RRM1: variants seen among roughly 807,000 people sequenced by gnomAD.
RRM1 encodes ribonucleotide reductase catalytic subunit M1.
Under a neutral mutation model 101.5 loss-of-function variants are expected in RRM1, and 19 were observed. The ratio of observed to expected loss-of-function variants is 0.19; its 90% CI spans 0.13 to 0.27. RRM1 has a LOEUF of 0.27. RRM1 is among the 10% of genes least tolerant of loss of function. The pLI is 1.00. For synonymous variants in RRM1, 298 were observed against 323.4 expected, an observed-to-expected ratio of 0.92 and a Z score of 0.84; for missense variants, 500 against 962.9, an observed-to-expected ratio of 0.52 and a Z score of 6.36.
At chr11:4,113,737 G>A (rs1352561507) in intron 7 of RRM1, among the ~76,000 whole-genome samples, 2 of 152,196 alleles carry the variant, frequency 1.3e-5, no homozygotes, top group Non-Finnish European at 2.9e-5. Context: ...TTACAAACCT[G>A]TGTAGCATGT....
chr11:4,095,060 G>GA, intron 1 of RRM1, 29 bp downstream of exon 1: 1 of 1,562,450 alleles, frequency 6.4e-7, no homozygotes, highest in Non-Finnish European at 8.7e-7. Flanking sequence ...GGGCGAGAAG[G>GA]AAGGTGAGGG....
intron 12 of RRM1, among the ~76,000 whole-genome samples, chr11:4,125,974 A>C (rs1009738440): frequency 6.6e-6 from 1 of 152,272 alleles, no homozygotes; most frequent in Non-Finnish European, 1.5e-5. Context: ...CATAATCAAA[A>C]TGGAAAAGAA....
At chr11:4,128,161 CTTTT>C (rs146980476) in intron 14 of RRM1, among the ~76,000 whole-genome samples, 2 of 133,040 alleles carry the variant, frequency 1.5e-5, no homozygotes, top group Admixed American at 7.5e-5. Flanking sequence ...CCCTGTCCCG[CTTTT>C]TTTTTTTTTT....
At chr11:4,126,492 A>G (rs925253897) in intron 12 of RRM1, among the ~76,000 whole-genome samples, 192 bp from the exon 13 acceptor site, 9 of 152,262 alleles carry the variant, frequency 5.9e-5, no homozygotes, top group Non-Finnish European at 4.4e-5. Flanking sequence ...TAACTAACAC[A>G]TATGACTAGG....
In RRM1 at chr11:4,107,488, C is replaced by G; in HGVS notation, c.340C>G (p.Pro114Ala). The change falls in exon 4 of 19, where the codon CCC (proline) becomes GCC (alanine). Residue 114 changes from proline (P) to alanine (A), a missense_variant. Pro to Ala is a conservative substitution (Grantham distance 27). This residue lies in a region of RRM1 where 41 missense variants were observed against 40.7 expected (regional missense o/e 1.01). Coordinates refer to ENST00000300738, the MANE Select transcript of RRM1 (RefSeq NM_001033.5). Reference sequence around the variant, plus strand: ...AAATCCACATAATGGCAAACACTCTCCCATGGTGGCCAAGTCAACATTGGA... The same window carrying G: ...AAATCCACATAATGGCAAACACTCTGCCATGGTGGCCAAGTCAACATTGGA... ...YINPHNGKHS[P>A]MVAKSTLDIV... 6.2e-7 allele frequency: 1 copy of G among 1,613,580 alleles called. No homozygotes were observed. Among genetic ancestry groups the G allele is most frequent in the Non-Finnish European group, 8.5e-7 (1 of 1,179,550 alleles).
At chr11:4,099,949 C>CA (rs948807445) in intron 1 of RRM1, among the ~76,000 whole-genome samples, 11 of 152,168 alleles carry the variant, frequency 7.2e-5, no homozygotes, top group Middle Eastern at 3.4e-3. Flanking sequence ...GCTTTCCCCC[C>CA]CCACTGCATG....
intron 2 of RRM1, among the ~76,000 whole-genome samples, chr11:4,102,384 G>A (rs1478362283): frequency 6.6e-6 from 1 of 152,148 alleles, no homozygotes; most frequent in African/African-American, 2.4e-5. Context: ...TAGGCCAGGC[G>A]CCGTGGCTCA....
chr11:4,106,429 T>A (rs2094558369), intron 3 of RRM1, among the ~76,000 whole-genome samples: 1 of 152,112 alleles, frequency 6.6e-6, no homozygotes, highest in African/African-American at 2.4e-5. Context: ...CGAAACCCCA[T>A]CTCTACGTTT....
intron 7 of RRM1, among the ~76,000 whole-genome samples, chr11:4,118,075 C>T (rs1194646100): frequency 6.6e-6 from 1 of 152,170 alleles, no homozygotes; most frequent in African/African-American, 2.4e-5. Context: ...ATCTATAAGA[C>T]TTCCTACTAG....
chr11:4,123,114 T>C, intron 11 of RRM1, 69 bp from the exon 12 acceptor site: 1 of 1,152,018 alleles, frequency 8.7e-7, no homozygotes, highest in Non-Finnish European at 1.2e-6. Context: ...TATTTTAATG[T>C]CTTCAAGTTG....
chr11:4,116,617 A>C (rs550900137), intron 7 of RRM1, among the ~76,000 whole-genome samples: 1 of 152,192 alleles, frequency 6.6e-6, no homozygotes, highest in East Asian at 1.9e-4. Context: ...AAAAACACCC[A>C]AAAAAACAAG....
At chr11:4,112,714 C>G (rs1045602753) in intron 7 of RRM1, among the ~76,000 whole-genome samples, 1 of 152,114 alleles carries the variant, frequency 6.6e-6, no homozygotes. Flanking sequence ...GTGCCAAGAA[C>G]TAGTTAGGGG....
At chr11:4,131,501 C>A (rs922814537) in intron 15 of RRM1, among the ~76,000 whole-genome samples, 1 of 152,054 alleles carries the variant, frequency 6.6e-6, no homozygotes, top group African/African-American at 2.4e-5. Flanking sequence ...ACTAAGAAAA[C>A]AAGTAGTTAA....
At chr11:4,100,762 T>C (rs1044598124) in intron 1 of RRM1, among the ~76,000 whole-genome samples, 2 of 152,242 alleles carry the variant, frequency 1.3e-5, no homozygotes, top group African/African-American at 4.8e-5. Context: ...TTTTACCTTA[T>C]CTAATTTTAT....
At position 4,133,980 on chromosome 11, in the gene RRM1, A is replaced by ATTTTTTTTT. The variant is rs34715101; in HGVS notation, c.2001+338_2001+346dup. ...GTCTAGGAACAGGAACCAGACATCAATTTTTTTTTTTTTTTTTTTTTTTTG... is the reference window on the plus strand; with the variant it reads ...GTCTAGGAACAGGAACCAGACATCAATTTTTTTTTTTTTTTTTTTTTTTTTTTTTTTTTG... On this transcript the variant is annotated intron_variant, in intron 17 of 18. Coordinates refer to ENST00000300738, the MANE Select transcript of RRM1 (RefSeq NM_001033.5). Among the ~76,000 whole-genome samples the ATTTTTTTTT allele has an allele frequency of 2.0e-3, 180 of 90,856 alleles. 8 individuals carry two copies. The highest frequency in any genetic ancestry group is 8.1e-3 in the East Asian group (24 of 2,952). The allele number at this position is 90,856 out of a possible 152,430, so 59.6% of individuals were successfully genotyped here. A position where few individuals can be genotyped will look rare whatever the true frequency, so the allele number is the denominator to read the frequency against.
Position 4,122,561 on chromosome 11 carries a change from C to T in RRM1, c.1118+341C>T, listed in dbSNP as rs144798297. On this transcript the variant is annotated intron_variant, in intron 11 of 18. Coordinates refer to ENST00000300738, the MANE Select transcript of RRM1 (RefSeq NM_001033.5). The stretch of plus-strand genomic sequence containing the variant: ...AAAGGAATCATGAGTGACTAGGACA[C>T]ATATGTCAGTAGTTTATTAAAATTA... Among the ~76,000 whole-genome samples the T allele has an allele frequency of 2.3e-3, 344 of 152,192 alleles. 1 individual carries two copies. The highest frequency in any genetic ancestry group is 8.0e-3 in the African/African-American group (333 of 41,524).
At chr11:4,125,277 C>G (rs2094587842) in intron 12 of RRM1, among the ~76,000 whole-genome samples, 1 of 152,074 alleles carries the variant, frequency 6.6e-6, no homozygotes, top group South Asian at 2.1e-4. Flanking sequence ...CTCCCTGTTC[C>G]CTTCTTCCCT....
intron 16 of RRM1, among the ~76,000 whole-genome samples, chr11:4,133,030 C>A (rs1006565400): frequency 1.3e-5 from 2 of 151,998 alleles, no homozygotes; most frequent in African/African-American, 4.8e-5. Context: ...TTTGCAAACG[C>A]CATATGTTTC....
Position 4,132,600 on chromosome 11 carries a change from T to G in RRM1, c.1905+179T>G, listed in dbSNP as rs1348128836. The stretch of plus-strand genomic sequence containing the variant: ...TTAATATTTCAGCACAATAGGCATT[T>G]AATAAATAATCTGTTGAAAGAATGA... On this transcript the variant is annotated intron_variant, in intron 16 of 18. Transcript: ENST00000300738. The surrounding 1 kb of genome is among the most constrained non-coding windows in gnomAD (Gnocchi z 4.1). Among the ~76,000 whole-genome samples, 1 of 152,240 alleles carries G rather than the reference T, an allele frequency of 6.6e-6. No individual in the cohort carries two copies. The highest frequency in any genetic ancestry group is 1.5e-5 in the Non-Finnish European group (1 of 68,046).
Sources: allele counts gnomAD v4.1 joint callset (sites outside exome capture counted in the v4.1 genomes callset), GRCh38; gene constraint gnomAD v4.1.1; regional missense constraint gnomAD v4.1.1; non-coding constraint Gnocchi (gnomAD v3.1); transcripts MANE v1.5; gene names NCBI Gene and HGNC (gene_info 2026-07-23, HGNC 2026-07-21).